ADSS2: variants seen among roughly 807,000 people sequenced by gnomAD.
The protein encoded by ADSS2 is adenylosuccinate synthetase isozyme 2.
In ADSS2, 30 loss-of-function variants were observed where a neutral mutation model predicts 60.0. The ratio of observed to expected loss-of-function variants is 0.50; its 90% CI spans 0.37 to 0.68. The LOEUF (loss-of-function observed/expected upper bound fraction) is 0.68, where lower values mean the gene tolerates loss of function less well. Ranked by LOEUF, ADSS2 falls within the 30% of genes least tolerant of loss-of-function variation. The probability of loss-of-function intolerance (pLI) is 0.00; values close to 1 mark genes in which losing one functional copy is unlikely to be tolerated. For missense variants in ADSS2, 373 were observed against 554.8 expected, an observed-to-expected ratio of 0.67 and a Z score of 3.29; for synonymous variants, 187 against 193.1, an observed-to-expected ratio of 0.97 and a Z score of 0.26.
Position 244,424,325 on chromosome 1 carries a change from T to C in ADSS2, c.469A>G (p.Lys157Glu). Reference sequence around the variant, plus strand: ...AAAACAAAAACCCACACATACTTTTTTCCTGCTTGTTCTTGTCTCTGTTGT... The same window carrying C: ...AAAACAAAAACCCACACATACTTTTCTCCTGCTTGTTCTTGTCTCTGTTGT... The part of the protein sequence containing the change: ...QEQQRQEQAG[K>E]NLGTTKKGIG... The change falls in exon 5 of 13, where the codon AAA becomes GAA. Residue 157 changes from lysine to glutamate, a missense_variant. Lys to Glu is a moderately conservative substitution (Grantham distance 56, BLOSUM62 1). This residue lies in a region of ADSS2 where 139 missense variants were observed against 189.4 expected (regional missense o/e 0.73). Transcript: ENST00000366535. The C allele has an allele frequency of 6.2e-7, 1 of 1,613,264 alleles. No homozygotes were observed. The highest frequency in any genetic ancestry group is 8.5e-7 in the Non-Finnish European group (1 of 1,179,464).
intron 1 of ADSS2, among the ~76,000 whole-genome samples, chr1:244,450,538 G>A (rs1665527587): frequency 6.6e-6 from 1 of 152,186 alleles, no homozygotes; most frequent in Non-Finnish European, 1.5e-5. Flanking sequence ...TAACTTACTA[G>A]AACATATACA....
At chr1:244,432,660 CTTTT>C (rs532312490) in intron 3 of ADSS2, 65 bp from the exon 4 acceptor site, 15,629 of 383,350 alleles carry the variant, frequency 0.041, 6 homozygotes, top group Middle Eastern at 0.061. Context: ...ATCTTAATTT[CTTTT>C]TTTTTTTTTT....
At chr1:244,424,595 C>G (rs1384800087) in intron 4 of ADSS2, 1 of 462,046 alleles carries the variant, frequency 2.2e-6, no homozygotes, top group East Asian at 3.5e-5. Context: ...TTATTTATTG[C>G]AGTCTATACT....
chr1:244,447,538 G>T (rs1052747709), intron 1 of ADSS2, among the ~76,000 whole-genome samples: 1 of 152,130 alleles, frequency 6.6e-6, no homozygotes, highest in African/African-American at 2.4e-5. Context: ...GTCCTCAGCG[G>T]GGAATAACTA....
rs566509858 is a variant in ADSS2 at position 244,450,372 on chromosome 1, G to T, written c.183+1263C>A. Among the ~76,000 whole-genome samples, 75 of 152,358 alleles carry T rather than the reference G, an allele frequency of 4.9e-4. 1 individual carries two copies. The South Asian group carries it at 7.5e-3, about 15-fold the overall frequency. ...TTCCTAAGAGGCAATTAGTGCAACA[G>T]CTATTTCAGAATGGGCAGGGTGGAT... On this transcript the variant is annotated intron_variant, in intron 1 of 12. Coordinates refer to ENST00000366535, the MANE Select transcript of ADSS2 (RefSeq NM_001126.5).
At chr1:244,420,468 A>C (rs990031875) in intron 7 of ADSS2, among the ~76,000 whole-genome samples, 172 bp from the exon 8 acceptor site, 6 of 142,674 alleles carry the variant, frequency 4.2e-5, no homozygotes, top group African/African-American at 1.3e-4. Context: ...TTCATGTCTC[A>C]TGCTGATTTT....
At chr1:244,436,002 G>A (rs547103391) in intron 3 of ADSS2, among the ~76,000 whole-genome samples, 3 of 152,184 alleles carry the variant, frequency 2.0e-5, no homozygotes, top group Non-Finnish European at 4.4e-5. Context: ...GCTGGTGTGG[G>A]GGAATCTGGG....
chr1:244,439,007 C>T (rs890737965), intron 1 of ADSS2, among the ~76,000 whole-genome samples: 18 of 152,062 alleles, frequency 1.2e-4, no homozygotes, highest in African/African-American at 4.4e-4. Context: ...TATTTGTATA[C>T]CCATTAACCA....
intron 1 of ADSS2, among the ~76,000 whole-genome samples, chr1:244,440,708 G>A (rs1266789581): frequency 6.6e-6 from 1 of 152,160 alleles, no homozygotes; most frequent in East Asian, 1.9e-4. Flanking sequence ...TTCCTGAGGT[G>A]ATTTATGCAT....
chr1:244,438,641 C>T (rs1233316209), intron 1 of ADSS2, among the ~76,000 whole-genome samples: 3 of 152,118 alleles, frequency 2.0e-5, no homozygotes, highest in South Asian at 2.1e-4. Flanking sequence ...TAAAAGTATA[C>T]TCGGGATGTA....
At chr1:244,434,100 TGG>T (rs958840339) in intron 3 of ADSS2, among the ~76,000 whole-genome samples, 2 of 148,506 alleles carry the variant, frequency 1.3e-5, no homozygotes, top group African/African-American at 5.0e-5. Flanking sequence ...CCTAGCACTT[TGG>T]GTGACCAAGG....
intron 7 of ADSS2, 81 bp from the exon 8 acceptor site, chr1:244,420,377 T>G: frequency 1.5e-6 from 2 of 1,304,530 alleles, no homozygotes; most frequent in Non-Finnish European, 2.1e-6. Context: ...ATTACCTGAC[T>G]TTATGACATG....
In ADSS2 at chr1:244,447,039, T is replaced by A. The variant is rs577948572; in HGVS notation, c.183+4596A>T. On this transcript the variant is annotated intron_variant, in intron 1 of 12. Transcript: ENST00000366535. ...TAAATTTTGGTTCAATGTAAAGAAC[T>A]ATCCCATCCCAGAGCCAGATTAGCC... is the stretch of plus-strand genomic sequence containing the variant. Among the ~76,000 whole-genome samples, 11 of 152,318 alleles carry A rather than the reference T, an allele frequency of 7.2e-5. No homozygotes were observed. The South Asian group carries it at 1.9e-3, about 26-fold the overall frequency.
chr1:244,438,679 A>C (rs1257973422), intron 1 of ADSS2, among the ~76,000 whole-genome samples: 1 of 152,218 alleles, frequency 6.6e-6, no homozygotes, highest in Non-Finnish European at 1.5e-5. Context: ...CTTTAACAAC[A>C]TCCTTCTATA....
chr1:244,436,768 T>G, intron 3 of ADSS2, 57 bp downstream of exon 3: 2 of 1,445,746 alleles, frequency 1.4e-6, no homozygotes, highest in Non-Finnish European at 1.9e-6. Flanking sequence ...TGGCATAAGA[T>G]CCTAATAAAA....
intron 12 of ADSS2, 32 bp downstream of exon 12, chr1:244,411,255 A>C (rs771442491): frequency 6.4e-7 from 1 of 1,573,048 alleles, no homozygotes; most frequent in Non-Finnish European, 8.6e-7. Flanking sequence ...GAGAGAAAAG[A>C]AAAAACTTAT....
rs1665632132 is a variant in ADSS2 at position 244,451,909 on chromosome 1, G to C, written c.-92C>G. On this transcript the variant is annotated 5_prime_UTR_variant, in exon 1 of 13. Coordinates refer to ENST00000366535, the MANE Select transcript of ADSS2 (RefSeq NM_001126.5). This position sits in a 1 kb window ranked among gnomAD's most constrained non-coding sequence, Gnocchi z 6.6. ...TCTGCGGCCGCCAGCCACATGCAGAGGAAGAAGGAGCCAGAGGCCGGCCCC... is the reference window on the plus strand; with the variant it reads ...TCTGCGGCCGCCAGCCACATGCAGACGAAGAAGGAGCCAGAGGCCGGCCCC... The C allele has an allele frequency of 3.8e-6, 5 of 1,317,956 alleles. No homozygotes were observed. Among genetic ancestry groups the C allele is most frequent in the South Asian group, 3.2e-5 (2 of 62,732 alleles). 81.6% of individuals were successfully genotyped at this position (1,317,956 alleles called of 1,614,324 possible).
chr1:244,450,349 C>T lies in ADSS2; in HGVS notation c.183+1286G>A, dbSNP rs12129867. ...GAGGGAGAGGTGGTAGTGACAGTTT[C>T]CTAAGAGGCAATTAGTGCAACAGCT... On this transcript the variant is annotated intron_variant, in intron 1 of 12. Coordinates refer to ENST00000366535, the MANE Select transcript of ADSS2 (RefSeq NM_001126.5). Among the ~76,000 whole-genome samples, 306 of 152,270 alleles carry T rather than the reference C, an allele frequency of 2.0e-3. 1 individual carries two copies. Among genetic ancestry groups the T allele is most frequent in the Admixed American group, 4.2e-3 (64 of 15,294 alleles).
intron 6 of ADSS2, 31 bp downstream of exon 6, chr1:244,423,922 T>C (rs1213345203): frequency 6.4e-7 from 1 of 1,555,960 alleles, no homozygotes; most frequent in Middle Eastern, 1.7e-4. Flanking sequence ...AATGCATTCA[T>C]TCCTTCCATT....
Sources: gnomAD v4.1 joint callset for allele counts (sites outside exome capture counted in the v4.1 genomes callset) on GRCh38, gnomAD v4.1.1 for gene constraint, gnomAD v4.1.1 regional missense constraint, Gnocchi (gnomAD v3.1) non-coding constraint, MANE v1.5 for transcripts, NCBI Gene and HGNC (gene_info 2026-07-23, HGNC 2026-07-21) for gene names.